The following INPP4B variants were observed in gnomAD, a reference collection of about 807,000 sequenced individuals.
INPP4B encodes inositol polyphosphate-4-phosphatase type II B.
Under a neutral mutation model 122.5 loss-of-function variants are expected in INPP4B, and 55 were observed. The ratio of observed to expected loss-of-function variants is 0.45; its 90% CI spans 0.36 to 0.56. The LOEUF (loss-of-function observed/expected upper bound fraction) is 0.56, where lower values mean the gene tolerates loss of function less well. Among genes scored for constraint, INPP4B ranks in the 20% least tolerant of loss-of-function variants. The pLI is 0.00. For synonymous variants in INPP4B, 403 were observed against 388.7 expected (o/e 1.04, Z -0.43); for missense variants, 1,000 against 1,097.7 (o/e 0.91, Z 1.26).
chr4:142,626,380 T>C (rs1041260862), intron 2 of INPP4B, among the ~76,000 whole-genome samples: 6 of 152,100 alleles, frequency 3.9e-5, no homozygotes, highest in Middle Eastern at 3.4e-3. Context: ...AGATTTGACA[T>C]GAGAGATTCT....
At chr4:142,603,686 A>G (rs759536542) in intron 2 of INPP4B, among the ~76,000 whole-genome samples, 3 of 152,176 alleles carry the variant, frequency 2.0e-5, no homozygotes, top group Non-Finnish European at 2.9e-5. Flanking sequence ...TCCTAAGCAG[A>G]CCAATAATGA....
At chr4:142,263,539 C>A (rs1215160668) in intron 10 of INPP4B, among the ~76,000 whole-genome samples, 1 of 149,956 alleles carries the variant, frequency 6.7e-6, no homozygotes, top group Non-Finnish European at 1.5e-5. Flanking sequence ...CTGTTTCAGG[C>A]ACTGGGGATA....
intron 2 of INPP4B, among the ~76,000 whole-genome samples, chr4:142,531,525 A>C (rs1827617010): frequency 6.6e-6 from 1 of 152,088 alleles, no homozygotes; most frequent in Admixed American, 6.6e-5. Flanking sequence ...GCCTGTGGAC[A>C]TTTGTGTCGT....
chr4:142,654,068 T>C (rs199789420), intron 2 of INPP4B, among the ~76,000 whole-genome samples: 35 of 149,020 alleles, frequency 2.3e-4, no homozygotes, highest in African/African-American at 3.7e-4. Flanking sequence ...ATGTCCTTTG[T>C]AGGGACATGG....
chr4:142,371,891 A>C (rs1186678304), intron 7 of INPP4B, among the ~76,000 whole-genome samples: 1 of 151,964 alleles, frequency 6.6e-6, no homozygotes, highest in African/African-American at 2.4e-5. Flanking sequence ...AAAAAAAAAA[A>C]ACTAAAAATA....
At chr4:142,418,865 G>A (rs1307943084) in intron 5 of INPP4B, among the ~76,000 whole-genome samples, 1 of 152,154 alleles carries the variant, frequency 6.6e-6, no homozygotes, top group African/African-American at 2.4e-5. Flanking sequence ...ATCAGGTGGA[G>A]ACTGAGCAGG....
chr4:142,213,614 C>T (rs1479130008), intron 12 of INPP4B, among the ~76,000 whole-genome samples: 1 of 152,192 alleles, frequency 6.6e-6, no homozygotes, highest in Non-Finnish European at 1.5e-5. Flanking sequence ...TGTGCTCACT[C>T]CTACAACCCC....
chr4:142,062,740 C>T (rs900580963), intron 25 of INPP4B, among the ~76,000 whole-genome samples: 6 of 95,580 alleles, frequency 6.3e-5, no homozygotes, highest in African/African-American at 1.8e-4. Context: ...CGTCCCCCCG[C>T]AAAAACAAAC....
At chr4:142,569,292 G>T (rs1172632995) in intron 2 of INPP4B, among the ~76,000 whole-genome samples, 1 of 148,792 alleles carries the variant, frequency 6.7e-6, no homozygotes, top group Non-Finnish European at 1.5e-5. Flanking sequence ...AATAAACATG[G>T]ATTTTTTTTT....
At chr4:142,768,027 G>A (rs557319057) in intron 1 of INPP4B, 2 of 152,278 alleles carry the variant, frequency 1.3e-5, no homozygotes, top group South Asian at 2.1e-4. Context: ...CATAGTGATG[G>A]CTGAAATATG....
intron 2 of INPP4B, among the ~76,000 whole-genome samples, chr4:142,639,786 G>A (rs1205796683): frequency 2.6e-5 from 4 of 152,020 alleles, no homozygotes; most frequent in African/African-American, 7.2e-5. Context: ...TGAATGAGAG[G>A]TATTATTAGC....
rs144245308 is a variant in INPP4B at position 142,379,658 on chromosome 4, T to A, written c.372+23280A>T. The stretch of plus-strand genomic sequence containing the variant: ...CCTTACAGTAATTAAAAGCTATTCC[T>A]AGCCAAAGCAGACTAACATTTTATA... On this transcript the variant is annotated intron_variant, in intron 7 of 25. Transcript: ENST00000262992. Among the ~76,000 whole-genome samples, 260 of 152,332 alleles carry A rather than the reference T, an allele frequency of 1.7e-3. 2 individuals carry two copies. The highest frequency in any genetic ancestry group is 6.0e-3 in the African/African-American group (249 of 41,594).
chr4:142,438,750 CAG>C (rs770282461), intron 3 of INPP4B, among the ~76,000 whole-genome samples: 66 of 152,062 alleles, frequency 4.3e-4, no homozygotes, highest in Non-Finnish European at 7.1e-4. Flanking sequence ...AAACTATAAT[CAG>C]AGAGAATAGG....
chr4:142,522,265 T>C (rs1237147632), intron 2 of INPP4B, among the ~76,000 whole-genome samples: 8 of 152,076 alleles, frequency 5.3e-5, no homozygotes, highest in Admixed American at 5.2e-4. Flanking sequence ...AAATTGAGAA[T>C]TTTATTCCAT....
At chr4:142,328,977 C>A (rs1165267376) in intron 7 of INPP4B, among the ~76,000 whole-genome samples, 3 of 152,150 alleles carry the variant, frequency 2.0e-5, no homozygotes, top group Non-Finnish European at 4.4e-5. Context: ...AATAATCCAG[C>A]CAGCCTGAAC....
intron 2 of INPP4B, among the ~76,000 whole-genome samples, chr4:142,695,013 C>T (rs926064771): frequency 1.3e-5 from 2 of 152,024 alleles, no homozygotes; most frequent in African/African-American, 2.4e-5. Flanking sequence ...TATTCTGCAC[C>T]TATAAAGTCA....
At chr4:142,788,044 C>T (rs750558896) in intron 1 of INPP4B, among the ~76,000 whole-genome samples, 1 of 151,978 alleles carries the variant, frequency 6.6e-6, no homozygotes. Context: ...TTGCGGGAAG[C>T]CTTAAAGCCA....
chr4:142,045,084 C>T (rs1750592907), intron 25 of INPP4B, among the ~76,000 whole-genome samples: 1 of 152,078 alleles, frequency 6.6e-6, no homozygotes, highest in Non-Finnish European at 1.5e-5. Context: ...TATATTAGAA[C>T]ACCTGTGCTG....
intron 23 of INPP4B, among the ~76,000 whole-genome samples, chr4:142,090,930 G>A (rs543390752): frequency 1.3e-5 from 2 of 152,028 alleles, no homozygotes; most frequent in South Asian, 2.1e-4. Flanking sequence ...GAGCAAAAAA[G>A]CACAAATTAT....
Sources: gnomAD v4.1 joint callset for allele counts (sites outside exome capture counted in the v4.1 genomes callset) on GRCh38, gnomAD v4.1.1 for gene constraint, MANE v1.5 for transcripts, NCBI Gene and HGNC (gene_info 2026-07-23, HGNC 2026-07-21) for gene names.